PTPRT: variants seen among roughly 807,000 people sequenced by gnomAD.
The protein encoded by PTPRT is receptor-type tyrosine-protein phosphatase T.
In PTPRT, 56 loss-of-function variants were observed where a neutral mutation model predicts 176.8. That is an observed-to-expected ratio of 0.32 (90% CI 0.26 to 0.40). The LOEUF (loss-of-function observed/expected upper bound fraction) is 0.40, where lower values mean the gene tolerates loss of function less well. Ranked by LOEUF, PTPRT falls within the 10% of genes least tolerant of loss-of-function variation. The pLI is 1.00. For missense variants in PTPRT, 1,540 were observed against 1,908.2 expected, an observed-to-expected ratio of 0.81 and a Z score of 3.60; for synonymous variants, 783 against 739.0, an observed-to-expected ratio of 1.06 and a Z score of -0.96.
chr20:42,484,827 C>T (rs58063601), intron 7 of PTPRT, among the ~76,000 whole-genome samples: 5,989 of 152,282 alleles, frequency 0.039, 299 homozygotes, highest in African/African-American at 0.11. Context: ...TAATATTCCA[C>T]GTTCCCATCT....
At chr20:42,648,824 T>TTTTTTTTGTTTTTTTG (rs1358565556) in intron 7 of PTPRT, among the ~76,000 whole-genome samples, 1 of 78,198 alleles carries the variant, frequency 1.3e-5, no homozygotes, top group African/African-American at 4.1e-5. Flanking sequence ...GTCGTTGTTT[T>TTTTTTTTGTTTTTTTG]TTTTTTTTTT....
At chr20:42,428,448 C>T (rs375961548) in intron 9 of PTPRT, among the ~76,000 whole-genome samples, 3 of 152,246 alleles carry the variant, frequency 2.0e-5, no homozygotes, top group East Asian at 3.9e-4. Context: ...ATGTAAGAGA[C>T]GAAATTCTTT....
chr20:42,516,519 C>G (rs1023766233), intron 7 of PTPRT, among the ~76,000 whole-genome samples: 3 of 152,086 alleles, frequency 2.0e-5, no homozygotes, highest in African/African-American at 7.2e-5. Flanking sequence ...TATTACATGA[C>G]TAGACTATAA....
At chr20:42,996,179 G>T (rs1039332677) in intron 1 of PTPRT, among the ~76,000 whole-genome samples, 3 of 152,166 alleles carry the variant, frequency 2.0e-5, no homozygotes, top group Non-Finnish European at 4.4e-5. Flanking sequence ...ATTAGGCAGG[G>T]AGTGAGGCAG....
intron 25 of PTPRT, 21 bp downstream of exon 25, chr20:42,104,548 G>A (rs200559388): frequency 2.9e-5 from 46 of 1,602,000 alleles, no homozygotes; most frequent in East Asian, 2.7e-4. Context: ...GATGGTCACC[G>A]AGCCTGGGAT....
At position 43,001,461 on chromosome 20, in the gene PTPRT, G is replaced by A. The variant is rs1356865387; in HGVS notation, c.89-115529C>T. Among the ~76,000 whole-genome samples, 3 of 147,732 alleles carry A rather than the reference G, an allele frequency of 2.0e-5. No individual in the cohort carries two copies. The East Asian group carries it at 5.8e-4, about 28-fold the overall frequency. ...GATTGTGGGTATTCCCTATAGCAAA[G>A]GTGGATACTCATAACAACAACAAAA... On this transcript the variant is annotated intron_variant, in intron 1 of 30. Coordinates refer to ENST00000373187, the MANE Select transcript of PTPRT (RefSeq NM_007050.6).
intron 11 of PTPRT, among the ~76,000 whole-genome samples, chr20:42,324,899 G>A (rs2057859854): frequency 6.6e-6 from 1 of 152,216 alleles, no homozygotes. Context: ...CGGCAGATTA[G>A]TGTCAGAATT....
intron 9 of PTPRT, among the ~76,000 whole-genome samples, chr20:42,375,602 T>C (rs1161253463): frequency 6.6e-6 from 1 of 152,188 alleles, no homozygotes; most frequent in Non-Finnish European, 1.5e-5. Context: ...GTTTGAGAAA[T>C]ATATTTCTGT....
At chr20:42,599,316 G>T (rs1021794896) in intron 7 of PTPRT, among the ~76,000 whole-genome samples, 1 of 152,126 alleles carries the variant, frequency 6.6e-6, no homozygotes, top group African/African-American at 2.4e-5. Flanking sequence ...AGACATCTGG[G>T]AGGTGCCACA....
chr20:42,545,259 A>G (rs1197982419), intron 7 of PTPRT, among the ~76,000 whole-genome samples: 1 of 152,116 alleles, frequency 6.6e-6, no homozygotes, highest in Non-Finnish European at 1.5e-5. Context: ...ACCTTTTCCC[A>G]TGCTTCTTAT....
intron 13 of PTPRT, among the ~76,000 whole-genome samples, chr20:42,269,613 A>G (rs1261766217): frequency 6.6e-6 from 1 of 152,210 alleles, no homozygotes; most frequent in Non-Finnish European, 1.5e-5. Context: ...AATGAACTCC[A>G]CCTATGGTAC....
chr20:42,384,038 A>G (rs987833708), intron 9 of PTPRT, among the ~76,000 whole-genome samples: 3 of 152,238 alleles, frequency 2.0e-5, no homozygotes, highest in Non-Finnish European at 4.4e-5. Flanking sequence ...ATTTATCAAT[A>G]TAAGTTTGAC....
At chr20:42,309,023 T>C (rs2057587466) in intron 12 of PTPRT, among the ~76,000 whole-genome samples, 1 of 152,154 alleles carries the variant, frequency 6.6e-6, no homozygotes, top group South Asian at 2.1e-4. Flanking sequence ...GAGAGAACAA[T>C]CACCCTGCTA....
chr20:42,821,432 A>G (rs2077891655), intron 2 of PTPRT, among the ~76,000 whole-genome samples: 1 of 152,226 alleles, frequency 6.6e-6, no homozygotes, highest in Non-Finnish European at 1.5e-5. Context: ...AGAGCTATTT[A>G]TGACAAACCC....
intron 5 of PTPRT, among the ~76,000 whole-genome samples, chr20:42,770,808 G>T (rs2077051335): frequency 6.6e-6 from 1 of 152,130 alleles, no homozygotes; most frequent in South Asian, 2.1e-4. Context: ...TTTGTTAGAG[G>T]GTAGTTGGAA....
chr20:42,344,905 GCT>G (rs1448482219), intron 11 of PTPRT, among the ~76,000 whole-genome samples: 5 of 152,004 alleles, frequency 3.3e-5, no homozygotes, highest in Non-Finnish European at 5.9e-5. Flanking sequence ...TGCATAGGCT[GCT>G]CTTTCTTCTA....
At chr20:42,554,439 T>C (rs2072825446) in intron 7 of PTPRT, among the ~76,000 whole-genome samples, 1 of 152,240 alleles carries the variant, frequency 6.6e-6, no homozygotes, top group Non-Finnish European at 1.5e-5. Flanking sequence ...CACAATTATA[T>C]CCCCAAAGGG....
At chr20:42,997,405 GC>G (rs1354503557) in intron 1 of PTPRT, among the ~76,000 whole-genome samples, 1 of 151,884 alleles carries the variant, frequency 6.6e-6, no homozygotes, top group African/African-American at 2.4e-5. Context: ...CTGTGAGGAA[GC>G]CCAAGCAGTT....
chr20:42,736,358 G>C (rs1030006134), intron 6 of PTPRT, among the ~76,000 whole-genome samples: 1 of 152,332 alleles, frequency 6.6e-6, no homozygotes, highest in Middle Eastern at 3.4e-3. Context: ...AGGTCTGAAG[G>C]AAAAGATATC....
Sources: gnomAD v4.1 joint callset for allele counts (sites outside exome capture counted in the v4.1 genomes callset) on GRCh38, gnomAD v4.1.1 for gene constraint, MANE v1.5 for transcripts, NCBI Gene and HGNC (gene_info 2026-07-23, HGNC 2026-07-21) for gene names.